The following MLLT1 variants were observed in gnomAD, a reference collection of about 807,000 sequenced individuals.
MLLT1 encodes the protein MLLT1 super elongation complex subunit.
Under a neutral mutation model 55.1 loss-of-function variants are expected in MLLT1, and 11 were observed. The observed-to-expected ratio is 0.20, with a 90% CI of 0.13 to 0.33. The LOEUF is 0.33. MLLT1 is among the 10% of genes least tolerant of loss of function. The pLI is 1.00. For missense variants in MLLT1, 536 were observed against 760.6 expected (o/e 0.70, Z 3.47); for synonymous variants, 323 against 320.1 (o/e 1.01, Z -0.10).
Position 6,270,762 on chromosome 19 carries a change from G to A in MLLT1, c.13-3C>T. The A allele has an allele frequency of 6.3e-7, 1 of 1,598,192 alleles. No homozygotes were observed. The highest frequency in any genetic ancestry group is 8.6e-7 in the Non-Finnish European group (1 of 1,169,484). ...TCTAACCTCACCTGGACGGTGCACTGGAGGAGAGAGAGGTGGGGAGATGAA... is the reference window on the plus strand; with the variant it reads ...TCTAACCTCACCTGGACGGTGCACTAGAGGAGAGAGAGGTGGGGAGATGAA... On this transcript the variant is annotated splice_polypyrimidine_tract_variant and splice_region_variant and intron_variant, in intron 1 of 11. Coordinates refer to ENST00000252674, the MANE Select transcript of MLLT1 (RefSeq NM_005934.4). This position sits in a 1 kb window ranked among gnomAD's most constrained non-coding sequence, Gnocchi z 7.1.
rs372111223 is a variant in MLLT1, at chr19:6,270,361, G to C, written c.193+218C>G. Among the ~76,000 whole-genome samples, 1 of 152,058 alleles carries C rather than the reference G, an allele frequency of 6.6e-6. No homozygotes were observed. The highest frequency in any genetic ancestry group is 1.5e-5 in the Non-Finnish European group (1 of 68,014). The stretch of plus-strand genomic sequence containing the variant: ...TTCCCAGAGCCCGGGTCTAAATCAC[G>C]ACACAACAGACCGCCACCACCTCCT... On this transcript the variant is annotated intron_variant, in intron 2 of 11. Transcript: ENST00000252674. This position sits in a 1 kb window ranked among gnomAD's most constrained non-coding sequence, Gnocchi z 7.1.
chr19:6,251,235 G>A (rs1015369227), intron 3 of MLLT1, among the ~76,000 whole-genome samples: 3 of 152,172 alleles, frequency 2.0e-5, no homozygotes, highest in Non-Finnish European at 4.4e-5. Context: ...CTTTAAAATC[G>A]TTAATTTCAT....
At position 6,226,532 on chromosome 19, in the gene MLLT1, C is replaced by A. The variant is rs887080135; in HGVS notation, c.546+445G>T. Among the ~76,000 whole-genome samples the A allele has an allele frequency of 1.3e-5, 2 of 152,188 alleles. No homozygotes were observed. Among genetic ancestry groups the A allele is most frequent in the South Asian group, 2.1e-4 (1 of 4,828 alleles). On this transcript the variant is annotated intron_variant, in intron 5 of 11. Transcript: ENST00000252674. The surrounding 1 kb of genome is among the most constrained non-coding windows in gnomAD (Gnocchi z 6.3). The stretch of plus-strand genomic sequence containing the variant: ...TTCCCCCACGAAACTCTGCAGTGAG[C>A]CATAGCCCGAGATGCAAAGCCTGGC...
Position 6,269,340 on chromosome 19 carries a change from C to T in MLLT1, c.193+1239G>A, listed in dbSNP as rs113677720. ...CGCGATCCTGCGCACGAAGCGCTGG[C>T]CAGGAAGTGCTCGATAGATGGCATG... On this transcript the variant is annotated intron_variant, in intron 2 of 11. Coordinates refer to ENST00000252674, the MANE Select transcript of MLLT1 (RefSeq NM_005934.4). Among the ~76,000 whole-genome samples the T allele has an allele frequency of 2.5e-3, 376 of 152,342 alleles. 2 individuals are homozygous for T. The highest frequency in any genetic ancestry group is 8.7e-3 in the African/African-American group (363 of 41,584).
At chr19:6,218,494 T>G (rs758883290) in intron 6 of MLLT1, among the ~76,000 whole-genome samples, 1 of 152,218 alleles carries the variant, frequency 6.6e-6, no homozygotes, top group African/African-American at 2.4e-5. Context: ...CCCAGTGCTG[T>G]CCGGGGCTCA....
chr19:6,279,582 G>A (rs891171492), intron 1 of MLLT1, among the ~76,000 whole-genome samples, 191 bp downstream of exon 1: 1 of 151,520 alleles, frequency 6.6e-6, no homozygotes, highest in Non-Finnish European at 1.5e-5. Flanking sequence ...GGGTGTCCGA[G>A]GCGCCCTGGC....
intron 1 of MLLT1, among the ~76,000 whole-genome samples, chr19:6,274,279 G>A (rs79608062): frequency 6.9e-4 from 105 of 152,368 alleles, no homozygotes; most frequent in Non-Finnish European, 1.2e-3. Context: ...CCACGTCAAC[G>A]GGAGGCAAGA....
At chr19:6,254,687 C>T (rs1319387255) in intron 3 of MLLT1, among the ~76,000 whole-genome samples, 1 of 152,180 alleles carries the variant, frequency 6.6e-6, no homozygotes, top group Non-Finnish European at 1.5e-5. Flanking sequence ...GTTTTTCCTT[C>T]TTCTATAAGG....
Position 6,212,265 on chromosome 19 carries a change from C to T in MLLT1, c.*777G>A. The T allele has an allele frequency of 9.4e-7, 1 of 1,065,006 alleles. No homozygotes were observed. The highest frequency in any genetic ancestry group is 1.1e-6 in the Non-Finnish European group (1 of 879,262). 66.0% of individuals were successfully genotyped at this position (1,065,006 alleles called of 1,614,324 possible). A position where few individuals can be genotyped will look rare whatever the true frequency, so the allele number is the denominator to read the frequency against. On this transcript the variant is annotated 3_prime_UTR_variant, in exon 12 of 12. Transcript: ENST00000252674. ...TAGTGTTGGCTGACCCCCCCGGGAG[C>T]CCCGGTAGGAGGCGGCGGCATCCTT... is the stretch of plus-strand genomic sequence containing the variant.
In MLLT1 at chr19:6,229,914, C is replaced by T. The variant is rs2090992321; in HGVS notation, c.420+656G>A. On this transcript the variant is annotated intron_variant, in intron 4 of 11. Coordinates refer to ENST00000252674, the MANE Select transcript of MLLT1 (RefSeq NM_005934.4). This position sits in a 1 kb window ranked among gnomAD's most constrained non-coding sequence, Gnocchi z 5.2. Reference sequence around the variant, plus strand: ...CAGCCCGCTCCATCACAGGCTCAGGCTGGCACCCAGGCAAAGGCTCTGTGG... The same window carrying T: ...CAGCCCGCTCCATCACAGGCTCAGGTTGGCACCCAGGCAAAGGCTCTGTGG... 6.6e-6 allele frequency among the ~76,000 whole-genome samples: 1 copy of T among 152,174 alleles called. No individual in the cohort carries two copies. The highest frequency in any genetic ancestry group is 6.5e-5 in the Admixed American group (1 of 15,286).
chr19:6,220,951 G>A (rs989678891), intron 6 of MLLT1, among the ~76,000 whole-genome samples: 5 of 152,308 alleles, frequency 3.3e-5, no homozygotes, highest in Admixed American at 3.3e-4. Context: ...CCACTGCCAA[G>A]CCATGGGAGC....
intron 3 of MLLT1, among the ~76,000 whole-genome samples, chr19:6,242,703 G>A (rs775754821): frequency 3.9e-5 from 6 of 152,158 alleles, no homozygotes; most frequent in African/African-American, 1.4e-4. Flanking sequence ...TCAGGGGCAG[G>A]GCAAGTTTTA....
chr19:6,220,175 T>C lies in MLLT1; in HGVS notation c.1110+1946A>G, dbSNP rs1268909374. Among the ~76,000 whole-genome samples the C allele has an allele frequency of 3.3e-5, 5 of 152,228 alleles. No individual in the cohort carries two copies. The East Asian group carries it at 9.6e-4, about 29-fold the overall frequency. ...GGTGCAGATTCTTCCGATGGCCGGT[T>C]CTGGTAGCACAGCCACACACAGCCT... On this transcript the variant is annotated intron_variant, in intron 6 of 11. Coordinates refer to ENST00000252674, the MANE Select transcript of MLLT1 (RefSeq NM_005934.4).
At position 6,235,610 on chromosome 19, in the gene MLLT1, C is replaced by T. The variant is rs573508370; in HGVS notation, c.277-4897G>A. On this transcript the variant is annotated intron_variant, in intron 3 of 11. Coordinates refer to ENST00000252674, the MANE Select transcript of MLLT1 (RefSeq NM_005934.4). This position sits in a 1 kb window ranked among gnomAD's most constrained non-coding sequence, Gnocchi z 5.5. ...CCTCTCCTCTCCACACTCCTGGCCA[C>T]AGCTGTGCACCCTGGCTGCACAGCG... Among the ~76,000 whole-genome samples the T allele has an allele frequency of 6.6e-6, 1 of 152,122 alleles. No individual in the cohort carries two copies. The highest frequency in any genetic ancestry group is 1.5e-5 in the Non-Finnish European group (1 of 67,980).
chr19:6,255,823 C>T (rs1301806001), intron 3 of MLLT1, among the ~76,000 whole-genome samples: 1 of 152,184 alleles, frequency 6.6e-6, no homozygotes, highest in African/African-American at 2.4e-5. Flanking sequence ...CTCACACTTG[C>T]CAATTTCAAA....
At chr19:6,225,517 G>A (rs532227164) in intron 5 of MLLT1, among the ~76,000 whole-genome samples, 8 of 152,288 alleles carry the variant, frequency 5.3e-5, no homozygotes, top group African/African-American at 1.4e-4. Flanking sequence ...GCTAGGGCTC[G>A]GGGCAGAGGG....
intron 3 of MLLT1, among the ~76,000 whole-genome samples, chr19:6,243,270 A>G (rs1156759515): frequency 6.6e-6 from 1 of 152,022 alleles, no homozygotes; most frequent in African/African-American, 2.4e-5. Flanking sequence ...GGAGGCCGGC[A>G]GCCCCCGGCC....
Position 6,226,392 on chromosome 19 carries a change from G to A in MLLT1, c.546+585C>T, listed in dbSNP as rs879363831. On this transcript the variant is annotated intron_variant, in intron 5 of 11. Transcript: ENST00000252674. This position sits in a 1 kb window ranked among gnomAD's most constrained non-coding sequence, Gnocchi z 6.3. ...TTGCTGCTCAGGGATGGTTTAGAGA[G>A]AGAAGCCTCAGAAAGGCCGAGTGCC... Among the ~76,000 whole-genome samples, 1 of 152,344 alleles carries A rather than the reference G, an allele frequency of 6.6e-6. No individual in the cohort carries two copies. The highest frequency in any genetic ancestry group is 2.4e-5 in the African/African-American group (1 of 41,580).
At position 6,227,623 on chromosome 19, in the gene MLLT1, G is replaced by A. The variant is rs537731068; in HGVS notation, c.421-521C>T. Among the ~76,000 whole-genome samples the A allele has an allele frequency of 2.0e-5, 3 of 152,356 alleles. No homozygotes were observed. In the East Asian group the frequency reaches 5.8e-4, roughly 29 times the overall value. ...TGCAGCGGACCCGAACAGGGCAAGA[G>A]CACCCAGGCTGAGGCCGAGACCAAG... On this transcript the variant is annotated intron_variant, in intron 4 of 11. Transcript: ENST00000252674. This position sits in a 1 kb window ranked among gnomAD's most constrained non-coding sequence, Gnocchi z 5.1.
Sources: gnomAD v4.1 joint callset for allele counts (sites outside exome capture counted in the v4.1 genomes callset) on GRCh38, gnomAD v4.1.1 for gene constraint, Gnocchi (gnomAD v3.1) non-coding constraint, MANE v1.5 for transcripts, NCBI Gene and HGNC (gene_info 2026-07-23, HGNC 2026-07-21) for gene names.